Variants in ASTN2 observed in about 807,000 individuals in gnomAD.
The protein encoded by ASTN2 is astrotactin 2.
Under a neutral mutation model 139.8 loss-of-function variants are expected in ASTN2, and 54 were observed. That is an observed-to-expected ratio of 0.39 (90% CI 0.31 to 0.48). The LOEUF is 0.48. Ranked by LOEUF, ASTN2 falls within the 20% of genes least tolerant of loss-of-function variation. ASTN2 has a pLI of 0.95. For synonymous variants in ASTN2, 756 were observed against 719.5 expected (o/e 1.05, Z -0.81); for missense variants, 1,565 against 1,725.1 (o/e 0.91, Z 1.64).
At chr9:116,790,970 A>AAG (rs1830521487) in intron 13 of ASTN2, among the ~76,000 whole-genome samples, 6 of 26,744 alleles carry the variant, frequency 2.2e-4, no homozygotes, top group African/African-American at 8.3e-4. Flanking sequence ...AAAGAAGGAA[A>AAG]GAAAGAAAGA....
chr9:116,533,596 T>C (rs550603611), intron 19 of ASTN2, among the ~76,000 whole-genome samples: 105 of 152,268 alleles, frequency 6.9e-4, no homozygotes, highest in Admixed American at 6.9e-3. Flanking sequence ...GTCAAATGGC[T>C]TTTCTGCATC....
intron 13 of ASTN2, among the ~76,000 whole-genome samples, chr9:116,776,201 T>C (rs1830085532): frequency 6.6e-6 from 1 of 152,210 alleles, no homozygotes; most frequent in African/African-American, 2.4e-5. Context: ...GTATTCTATG[T>C]GATCTTTTAT....
rs1162021467 is a variant in ASTN2, at chr9:117,008,198, G to A, written c.1485C>T (p.Ala495=). Residue 495 remains alanine (A), a synonymous_variant, in exon 7 of 23, where the codon GCC becomes GCT. Coordinates refer to ENST00000313400, the MANE Select transcript of ASTN2 (RefSeq NM_001365068.1). ...TGATCTGGTAATACAGGGAAAGCTT[G>A]GCCGGGTTTAACCAGTCGGAGATGT... ...YLDISDWLNP[A]KLSLYYQINA... 12 of 1,611,866 alleles carry A rather than the reference G, an allele frequency of 7.4e-6. No individual in the cohort carries two copies. Among genetic ancestry groups the A allele is most frequent in the Non-Finnish European group, 1.0e-5 (12 of 1,179,074 alleles).
intron 1 of ASTN2, among the ~76,000 whole-genome samples, chr9:117,342,657 T>C (rs1587964995): frequency 6.6e-6 from 1 of 152,316 alleles, no homozygotes; most frequent in East Asian, 1.9e-4. Flanking sequence ...ACCTACAAAA[T>C]GAGGGGAGAC....
At chr9:116,535,938 T>A (rs989294010) in intron 19 of ASTN2, among the ~76,000 whole-genome samples, 2 of 152,318 alleles carry the variant, frequency 1.3e-5, no homozygotes, top group Non-Finnish European at 1.5e-5. Context: ...CTGGATAACA[T>A]CCTGCAGAGT....
chr9:116,722,505 A>C (rs1404726343), intron 16 of ASTN2, among the ~76,000 whole-genome samples: 1 of 152,202 alleles, frequency 6.6e-6, no homozygotes, highest in African/African-American at 2.4e-5. Flanking sequence ...TGGGAAGGCT[A>C]GGGCATTTGT....
Position 116,853,477 on chromosome 9 carries a change from T to C in ASTN2, c.2040+10106A>G, listed in dbSNP as rs141190165. Reference sequence around the variant, plus strand: ...CTTGGCACAACCACTAAAAGTTCTGTAGTCATGGCTTCTGACCTCCTCAAA... The same window carrying C: ...CTTGGCACAACCACTAAAAGTTCTGCAGTCATGGCTTCTGACCTCCTCAAA... On this transcript the variant is annotated intron_variant, in intron 11 of 22. Transcript: ENST00000313400. Among the ~76,000 whole-genome samples the C allele has an allele frequency of 7.8e-3, 1,180 of 152,254 alleles. 4 individuals are homozygous for C. Among genetic ancestry groups the C allele is most frequent in the South Asian group, 0.016 (79 of 4,824 alleles).
chr9:117,161,356 A>G (rs1358599903), intron 3 of ASTN2, among the ~76,000 whole-genome samples: 1 of 152,030 alleles, frequency 6.6e-6, no homozygotes, highest in African/African-American at 2.4e-5. Context: ...TCCATTGAGG[A>G]GAACTGGAGC....
rs1832951565 is a variant in ASTN2, at chr9:116,863,695, T to C, written c.1928A>G (p.Asn643Ser). ...TGGCCCGAAGGAAGACAGCAGGTCA[T>C]TGATGGTTTCAAAGTATGTGGACAG... Reference protein sequence around the residue: ...AMLSTYFETINDLLSSFGPVR... With the variant: ...AMLSTYFETISDLLSSFGPVR... Residue 643 changes from asparagine (N) to serine (S), a missense_variant, in exon 11 of 23, where the codon AAT becomes AGT. Around this residue, in one of 4 missense-constraint regions of ASTN2, gnomAD observed 503 missense variants for 591.7 expected, o/e 0.85. Transcript: ENST00000313400. 1.9e-6 allele frequency: 3 copies of C among 1,614,176 alleles called. No individual in the cohort carries two copies. The African/African-American group carries it at 4.0e-5, about 22-fold the overall frequency.
chr9:116,917,790 G>C (rs1204493630), intron 10 of ASTN2, among the ~76,000 whole-genome samples: 2 of 152,164 alleles, frequency 1.3e-5, no homozygotes, highest in Non-Finnish European at 2.9e-5. Flanking sequence ...ACCTTCTATG[G>C]ATCTGGTACT....
intron 1 of ASTN2, among the ~76,000 whole-genome samples, chr9:117,353,383 C>A (rs1393759691): frequency 1.3e-5 from 2 of 152,110 alleles, no homozygotes; most frequent in Non-Finnish European, 2.9e-5. Context: ...TCAACACTAG[C>A]CACACAGGGC....
chr9:117,371,632 G>A (rs1829993137), intron 1 of ASTN2, among the ~76,000 whole-genome samples: 2 of 152,128 alleles, frequency 1.3e-5, no homozygotes, highest in South Asian at 4.1e-4. Context: ...TGTAAAGTCA[G>A]AATAGAGTCA....
chr9:117,297,385 G>C (rs1450218633), intron 1 of ASTN2, among the ~76,000 whole-genome samples: 2 of 152,194 alleles, frequency 1.3e-5, no homozygotes, highest in African/African-American at 4.8e-5. Flanking sequence ...ATCAAGTCTT[G>C]CTGAGTGAGC....
chr9:117,214,879 T>C, intron 2 of ASTN2, 137 bp from the exon 3 acceptor site: 1 of 1,072,376 alleles, frequency 9.3e-7, no homozygotes, highest in Non-Finnish European at 1.2e-6. Flanking sequence ...CCAGCCGTGG[T>C]TTTTAAGCTA....
At chr9:116,473,340 T>A (rs1848875829) in intron 20 of ASTN2, among the ~76,000 whole-genome samples, 3 of 152,282 alleles carry the variant, frequency 2.0e-5, no homozygotes, top group South Asian at 2.1e-4. Context: ...CCTATTCTAC[T>A]CTTAGATTAC....
intron 20 of ASTN2, among the ~76,000 whole-genome samples, chr9:116,455,052 A>G (rs1848287567): frequency 6.6e-6 from 1 of 151,540 alleles, no homozygotes; most frequent in Non-Finnish European, 1.5e-5. Context: ...AAAAAAAAAA[A>G]GGTTTATGGT....
Position 116,487,509 on chromosome 9 carries a change from A to G in ASTN2, c.3356-9T>C. 1 of 1,612,236 alleles carries G rather than the reference A, an allele frequency of 6.2e-7. No homozygotes were observed. The highest frequency in any genetic ancestry group is 1.3e-5 in the African/African-American group (1 of 74,952). ...AAAACTCAGGAATTCTCCTGGAGGG[A>G]GAAAAAGAAAGATGAGCTCCCCAGC... On this transcript the variant is annotated splice_polypyrimidine_tract_variant and intron_variant, in intron 19 of 22. Transcript: ENST00000313400.
chr9:116,808,071 G>T (rs915472281), intron 12 of ASTN2, among the ~76,000 whole-genome samples: 2 of 152,100 alleles, frequency 1.3e-5, no homozygotes, highest in African/African-American at 4.8e-5. Context: ...CCGAGATCAT[G>T]CCACTGCACT....
chr9:116,932,359 C>T (rs1313055525), intron 10 of ASTN2, among the ~76,000 whole-genome samples: 1 of 152,182 alleles, frequency 6.6e-6, no homozygotes, highest in Non-Finnish European at 1.5e-5. Flanking sequence ...GCTCTTTCCT[C>T]TGATAGTAAT....
Sources: allele counts gnomAD v4.1 joint callset (sites outside exome capture counted in the v4.1 genomes callset), GRCh38; gene constraint gnomAD v4.1.1; regional missense constraint gnomAD v4.1.1; transcripts MANE v1.5; gene names NCBI Gene and HGNC (gene_info 2026-07-23, HGNC 2026-07-21).